The following CTNNA2 variants were observed in gnomAD, a reference collection of about 807,000 sequenced individuals.
CTNNA2 encodes the protein catenin alpha 2, also known as catenin alpha-2.
Under a neutral mutation model 101.0 loss-of-function variants are expected in CTNNA2, and 42 were observed. The observed-to-expected ratio is 0.42, with a 90% CI of 0.32 to 0.54. The LOEUF (loss-of-function observed/expected upper bound fraction) is 0.54. Ranked by LOEUF, CTNNA2 falls within the 20% of genes least tolerant of loss-of-function variation. CTNNA2 has a pLI of 0.14. For missense variants in CTNNA2, 871 were observed against 1,223.1 expected, an observed-to-expected ratio of 0.71 and a Z score of 4.29; for synonymous variants, 450 against 456.4, an observed-to-expected ratio of 0.99 and a Z score of 0.18.
chr2:79,444,802 A>G (rs1678814026), intron 4 of CTNNA2, among the ~76,000 whole-genome samples: 1 of 152,150 alleles, frequency 6.6e-6, no homozygotes, highest in African/African-American at 2.4e-5. Flanking sequence ...TTAGGTCACC[A>G]CTTGCATATT....
chr2:80,261,663 G>T (rs1204475224), intron 7 of CTNNA2, among the ~76,000 whole-genome samples: 1 of 152,126 alleles, frequency 6.6e-6, no homozygotes, highest in Non-Finnish European at 1.5e-5. Flanking sequence ...GCTAACTCCA[G>T]TGTTATAAAG....
intron 7 of CTNNA2, among the ~76,000 whole-genome samples, chr2:80,166,526 C>A (rs1253073230): frequency 6.6e-6 from 1 of 152,170 alleles, no homozygotes; most frequent in African/African-American, 2.4e-5. Flanking sequence ...AACTCCCATA[C>A]CTTAGCTTAT....
At chr2:80,619,474 T>C (rs1304373632) in intron 18 of CTNNA2, among the ~76,000 whole-genome samples, 1 of 151,944 alleles carries the variant, frequency 6.6e-6, no homozygotes, top group South Asian at 2.1e-4. Context: ...TTCTCAGTCT[T>C]TCTTCCCATT....
At chr2:80,161,375 G>A (rs529505217) in intron 7 of CTNNA2, among the ~76,000 whole-genome samples, 22 of 151,982 alleles carry the variant, frequency 1.4e-4, no homozygotes, top group African/African-American at 2.2e-4. Context: ...GGAACAGTAC[G>A]AACGCTGTGG....
In CTNNA2 at chr2:79,325,326, C is replaced by T. The variant is rs186955426; in HGVS notation, c.-318+12530C>T. 5.9e-5 allele frequency among the ~76,000 whole-genome samples: 9 copies of T among 152,238 alleles called. No homozygotes were observed. In the South Asian group the frequency reaches 8.3e-4, roughly 14 times the overall value. On this transcript the variant is annotated intron_variant, in intron 3 of 21. Coordinates refer to the CTNNA2 transcript ENST00000466387. Reference sequence around the variant, plus strand: ...TCTGTTAGAATGATTGTTCAAATTCCGCCTGCCTGAAAGCAAAGAGAGAGA... The same window carrying T: ...TCTGTTAGAATGATTGTTCAAATTCTGCCTGCCTGAAAGCAAAGAGAGAGA...
At chr2:79,299,024 G>A (rs1250948631) in intron 2 of CTNNA2, among the ~76,000 whole-genome samples, 1 of 152,152 alleles carries the variant, frequency 6.6e-6, no homozygotes, top group Non-Finnish European at 1.5e-5. Context: ...TCATCATTAA[G>A]TATTCTCCTT....
At chr2:80,248,435 CTT>C (rs984181596) in intron 7 of CTNNA2, among the ~76,000 whole-genome samples, 26 of 152,320 alleles carry the variant, frequency 1.7e-4, no homozygotes, top group Middle Eastern at 3.4e-3. Flanking sequence ...ATTCCCTACT[CTT>C]TGTGCTTTGG....
At chr2:79,991,395 AT>A (rs905284284) in intron 7 of CTNNA2, among the ~76,000 whole-genome samples, 3 of 152,108 alleles carry the variant, frequency 2.0e-5, no homozygotes, top group Non-Finnish European at 4.4e-5. Flanking sequence ...ACTACTTCAC[AT>A]AATTTTTTGA....
chr2:79,644,432 C>A (rs1425559454), intron 1 of CTNNA2, among the ~76,000 whole-genome samples: 1 of 152,166 alleles, frequency 6.6e-6, no homozygotes, highest in African/African-American at 2.4e-5. Flanking sequence ...CGATTGGTAA[C>A]CTTAATCACA....
intron 3 of CTNNA2, among the ~76,000 whole-genome samples, chr2:79,751,188 A>G (rs1046679295): frequency 3.9e-5 from 6 of 152,170 alleles, no homozygotes; most frequent in African/African-American, 1.4e-4. Context: ...GTGGGATAAG[A>G]ATTTCAGGCT....
intron 1 of CTNNA2, among the ~76,000 whole-genome samples, chr2:79,531,846 T>C (rs1672765282): frequency 6.6e-6 from 1 of 152,004 alleles, no homozygotes; most frequent in Non-Finnish European, 1.5e-5. Flanking sequence ...AATGCCCACC[T>C]AATTTTTGTA....
At chr2:80,385,838 G>A (rs1324104339) in intron 7 of CTNNA2, among the ~76,000 whole-genome samples, 1 of 152,038 alleles carries the variant, frequency 6.6e-6, no homozygotes, top group Non-Finnish European at 1.5e-5. Flanking sequence ...ATCAATCTCA[G>A]TGGGAAAATA....
intron 2 of CTNNA2, among the ~76,000 whole-genome samples, chr2:79,711,716 G>T (rs1685752397): frequency 6.6e-6 from 1 of 151,906 alleles, no homozygotes; most frequent in Non-Finnish European, 1.5e-5. Flanking sequence ...TTCTGTAAAG[G>T]GTCAGATAGT....
intron 3 of CTNNA2, among the ~76,000 whole-genome samples, chr2:79,347,062 C>G (rs1677279462): frequency 6.6e-6 from 1 of 152,116 alleles, no homozygotes; most frequent in African/African-American, 2.4e-5. Context: ...ATCCATGGAA[C>G]AAACCAGCAT....
chr2:79,622,638 G>C (rs941366728), intron 1 of CTNNA2, among the ~76,000 whole-genome samples: 1 of 152,166 alleles, frequency 6.6e-6, no homozygotes, highest in African/African-American at 2.4e-5. Flanking sequence ...CACAGGCAGA[G>C]TTCAACACAG....
At chr2:80,332,755 C>T (rs1349918969) in intron 7 of CTNNA2, among the ~76,000 whole-genome samples, 1 of 152,098 alleles carries the variant, frequency 6.6e-6, no homozygotes, top group East Asian at 1.9e-4. Flanking sequence ...TTAGCGTGAG[C>T]TTTTAAGTAA....
intron 7 of CTNNA2, among the ~76,000 whole-genome samples, chr2:79,941,593 C>T (rs775788969): frequency 4.6e-5 from 7 of 152,174 alleles, no homozygotes; most frequent in African/African-American, 7.2e-5. Context: ...TTAAACCACA[C>T]GATTGTAGAA....
chr2:80,280,769 C>T (rs2149159756), intron 7 of CTNNA2, among the ~76,000 whole-genome samples: 1 of 152,126 alleles, frequency 6.6e-6, no homozygotes, highest in Non-Finnish European at 1.5e-5. Flanking sequence ...CTGCTCAGTC[C>T]TGTCTGAGAC....
intron 2 of CTNNA2, among the ~76,000 whole-genome samples, chr2:79,691,213 C>G (rs6732323): frequency 0.15 from 22,101 of 151,860 alleles, 1,873 homozygotes; most frequent in East Asian, 0.44. Flanking sequence ...TAGAAGTAAA[C>G]TAGCCTAAAT....
Sources: allele counts gnomAD v4.1 joint callset (sites outside exome capture counted in the v4.1 genomes callset), GRCh38; gene constraint gnomAD v4.1.1; transcripts MANE v1.5; gene names NCBI Gene and HGNC (gene_info 2026-07-23, HGNC 2026-07-21).